CAMTA1: variants seen among roughly 807,000 people sequenced by gnomAD.
The protein encoded by CAMTA1 is calmodulin binding transcription activator 1, also known as calmodulin-binding transcription activator 1.
In CAMTA1, 27 loss-of-function variants were observed where a neutral mutation model predicts 170.9. That is an observed-to-expected ratio of 0.16 (90% CI 0.12 to 0.22). The LOEUF is 0.22. Among genes scored for constraint, CAMTA1 ranks in the 10% least tolerant of loss-of-function variants. CAMTA1 has a pLI of 1.00. For missense variants in CAMTA1, 1,619 were observed against 2,217.2 expected, an observed-to-expected ratio of 0.73 and a Z score of 5.42; for synonymous variants, 833 against 891.5, an observed-to-expected ratio of 0.93 and a Z score of 1.17.
Position 7,532,997 on chromosome 1 carries a change from C to G in CAMTA1, c.510+65096C>G, listed in dbSNP as rs1221527053. Among the ~76,000 whole-genome samples, 1 of 152,100 alleles carries G rather than the reference C, an allele frequency of 6.6e-6. No individual in the cohort carries two copies. The highest frequency in any genetic ancestry group is 1.5e-5 in the Non-Finnish European group (1 of 67,998). On this transcript the variant is annotated intron_variant, in intron 6 of 22. Transcript: ENST00000303635. The surrounding 1 kb of genome is among the most constrained non-coding windows in gnomAD (Gnocchi z 4.2). ...GAGGCCCAGGTGGGAGTTGAGGGTC[C>G]CAATAATTAGTACGTTGTTTTCCCT...
chr1:6,815,406 G>A (rs572064474), intron 1 of CAMTA1, among the ~76,000 whole-genome samples: 1 of 152,242 alleles, frequency 6.6e-6, no homozygotes, highest in South Asian at 2.1e-4. Context: ...GTCTTGCCAT[G>A]TTGCCCAGGC....
At chr1:7,658,336 A>T (rs2095923578) in intron 7 of CAMTA1, among the ~76,000 whole-genome samples, 1 of 152,096 alleles carries the variant, frequency 6.6e-6, no homozygotes, top group Non-Finnish European at 1.5e-5. Flanking sequence ...GTGTTCTCCC[A>T]TCCTAACAGC....
At chr1:7,148,206 A>T (rs74644735) in intron 4 of CAMTA1, among the ~76,000 whole-genome samples, 389 of 150,906 alleles carry the variant, frequency 2.6e-3, no homozygotes, top group African/African-American at 9.3e-3. Flanking sequence ...CACCATGTAG[A>T]CACACACTCA....
At chr1:7,372,057 G>A (rs2086515736) in intron 5 of CAMTA1, among the ~76,000 whole-genome samples, 1 of 152,184 alleles carries the variant, frequency 6.6e-6, no homozygotes, top group African/African-American at 2.4e-5. Context: ...GCCCCACCCG[G>A]GCTCTGACCT....
chr1:7,000,205 C>T (rs890700413), intron 3 of CAMTA1, among the ~76,000 whole-genome samples: 6 of 152,236 alleles, frequency 3.9e-5, no homozygotes, highest in Non-Finnish European at 8.8e-5. Context: ...TTGCAGCCTG[C>T]TCACCCTGGA....
chr1:7,461,178 C>T (rs2093078923), intron 5 of CAMTA1, among the ~76,000 whole-genome samples: 1 of 152,208 alleles, frequency 6.6e-6, no homozygotes, highest in South Asian at 2.1e-4. Flanking sequence ...GCACAGAAGG[C>T]TCTGGGGAAT....
intron 3 of CAMTA1, among the ~76,000 whole-genome samples, chr1:6,961,399 C>G (rs1038690536): frequency 6.6e-6 from 1 of 152,178 alleles, no homozygotes; most frequent in African/African-American, 2.4e-5. Context: ...TCAGGCGCCA[C>G]CATCGTGACC....
In CAMTA1 at chr1:7,685,614, G is replaced by C. The variant is rs1204002888; in HGVS notation, c.2914+7881G>C. ...CAAGCTTCTCCTTCCAAAATTCTCT[G>C]TCATGTCCCCATGGCCGGCTCTCTC... is the stretch of plus-strand genomic sequence containing the variant. On this transcript the variant is annotated intron_variant, in intron 11 of 22. Coordinates refer to ENST00000303635, the MANE Select transcript of CAMTA1 (RefSeq NM_015215.4). The surrounding 1 kb of genome is among the most constrained non-coding windows in gnomAD (Gnocchi z 5.7). Among the ~76,000 whole-genome samples the C allele has an allele frequency of 6.6e-6, 1 of 152,074 alleles. No individual in the cohort carries two copies. Among genetic ancestry groups the C allele is most frequent in the African/African-American group, 2.4e-5 (1 of 41,394 alleles).
intron 3 of CAMTA1, among the ~76,000 whole-genome samples, chr1:6,963,275 C>CT: frequency 1.9e-4 from 1 of 5,336 alleles, no homozygotes; most frequent in African/African-American, 7.7e-4. Flanking sequence ...CACCTGGCCC[C>CT]CCCCCCCCCC....
At chr1:6,946,914 T>C (rs977420943) in intron 3 of CAMTA1, among the ~76,000 whole-genome samples, 9 of 152,254 alleles carry the variant, frequency 5.9e-5, no homozygotes, top group East Asian at 1.9e-4. Context: ...TTTACTTCTA[T>C]GTTTTTGTCT....
At chr1:7,536,083 C>T (rs1413243632) in intron 6 of CAMTA1, among the ~76,000 whole-genome samples, 5 of 152,152 alleles carry the variant, frequency 3.3e-5, no homozygotes, top group African/African-American at 9.7e-5. Context: ...TTAAACTAAA[C>T]GCTGACAAAG....
chr1:6,792,930 C>T lies in CAMTA1; in HGVS notation c.45+7355C>T, dbSNP rs142370811. 6.1e-3 allele frequency among the ~76,000 whole-genome samples: 934 copies of T among 152,108 alleles called. 11 individuals are homozygous for T. The highest frequency in any genetic ancestry group is 0.021 in the African/African-American group (888 of 41,478). On this transcript the variant is annotated intron_variant, in intron 1 of 22. Transcript: ENST00000303635. ...CATTTCTTGAAAGAAACGTTTGGGG[C>T]TGTGTTCTTAATAGTTTTAAACATG...
intron 3 of CAMTA1, among the ~76,000 whole-genome samples, chr1:6,850,700 G>T (rs1182644275): frequency 6.6e-6 from 1 of 152,224 alleles, no homozygotes; most frequent in Non-Finnish European, 1.5e-5. Context: ...ACCAGCATTT[G>T]CAGTCATTTC....
chr1:7,755,326 CAAAAAAAAAAA>C (rs70987373), intron 21 of CAMTA1, among the ~76,000 whole-genome samples: 13 of 61,964 alleles, frequency 2.1e-4, no homozygotes, highest in Admixed American at 4.4e-4. Context: ...GACTCCGTCT[CAAAAAAAAAAA>C]AAAAAAAAAA....
chr1:7,275,618 A>C (rs1452046083), intron 5 of CAMTA1, among the ~76,000 whole-genome samples: 2 of 152,130 alleles, frequency 1.3e-5, no homozygotes, highest in East Asian at 3.8e-4. Context: ...AAGAGGTGTC[A>C]GAAAAGGATA....
chr1:6,860,535 TTTC>T (rs1664271781), intron 3 of CAMTA1, among the ~76,000 whole-genome samples: 1 of 152,224 alleles, frequency 6.6e-6, no homozygotes, highest in Non-Finnish European at 1.5e-5. Flanking sequence ...CACATTGTTT[TTTC>T]TTTCCTTATA....
intron 6 of CAMTA1, among the ~76,000 whole-genome samples, chr1:7,548,186 G>C (rs78815084): frequency 0.22 from 33,453 of 152,242 alleles, 4,496 homozygotes; most frequent in East Asian, 0.52. Context: ...GCCCTGTATG[G>C]GTACTGAGGA....
intron 3 of CAMTA1, among the ~76,000 whole-genome samples, chr1:6,999,453 G>A (rs1196077561): frequency 2.0e-5 from 3 of 152,074 alleles, no homozygotes; most frequent in Non-Finnish European, 2.9e-5. Context: ...GTGCCATCTT[G>A]GCTCACTGCA....
chr1:7,236,564 G>A (rs1663907732), intron 4 of CAMTA1, among the ~76,000 whole-genome samples: 1 of 152,180 alleles, frequency 6.6e-6, no homozygotes, highest in African/African-American at 2.4e-5. Context: ...CCGGCTGTGC[G>A]ACGTTGGGGA....
Sources: gnomAD v4.1 joint callset for allele counts (sites outside exome capture counted in the v4.1 genomes callset) on GRCh38, gnomAD v4.1.1 for gene constraint, Gnocchi (gnomAD v3.1) non-coding constraint, MANE v1.5 for transcripts, NCBI Gene and HGNC (gene_info 2026-07-23, HGNC 2026-07-21) for gene names.